The following NTRK3 variants were observed in gnomAD, a reference collection of about 807,000 sequenced individuals.
NTRK3 encodes NT-3 growth factor receptor.
NTRK3 carries 24 observed loss-of-function variants against 91.7 expected under a neutral mutation model. The observed-to-expected ratio is 0.26, with a 90% CI of 0.19 to 0.37. The LOEUF (loss-of-function observed/expected upper bound fraction) is 0.37, where lower values mean the gene tolerates loss of function less well. NTRK3 is among the 10% of genes least tolerant of loss of function. NTRK3 has a pLI of 1.00. For synonymous variants in NTRK3, 483 were observed against 404.0 expected, an observed-to-expected ratio of 1.20 and a Z score of -2.34; for missense variants, 880 against 1,068.9, an observed-to-expected ratio of 0.82 and a Z score of 2.46.
At chr15:88,086,336 G>C (rs955731549) in intron 13 of NTRK3, among the ~76,000 whole-genome samples, 1 of 152,136 alleles carries the variant, frequency 6.6e-6, no homozygotes, top group African/African-American at 2.4e-5. Flanking sequence ...AAAGTGGCTG[G>C]TCTAAGCTGA....
intron 14 of NTRK3, among the ~76,000 whole-genome samples, chr15:87,985,594 T>C (rs1384358212): frequency 6.6e-6 from 1 of 152,132 alleles, no homozygotes; most frequent in Non-Finnish European, 1.5e-5. Flanking sequence ...GTGACGAGAT[T>C]GTCCTGGCCC....
At chr15:87,969,580 A>G (rs1378033342) in intron 14 of NTRK3, among the ~76,000 whole-genome samples, 1 of 152,196 alleles carries the variant, frequency 6.6e-6, no homozygotes. Flanking sequence ...GCCTGCTTAC[A>G]TCTTCTGTGC....
At position 88,211,958 on chromosome 15, in the gene NTRK3, C is replaced by G. The variant is rs184467344; in HGVS notation, c.249-27659G>C. On this transcript the variant is annotated intron_variant, in intron 3 of 18. Coordinates refer to ENST00000394480, the Ensembl canonical transcript of NTRK3. ...CACATTTAAACTGTAATTCAATAAA[C>G]CCAATTTTGTAGAATAAAGCAAATA... 6.0e-4 allele frequency among the ~76,000 whole-genome samples: 92 copies of G among 152,132 alleles called. No homozygotes were observed. The Middle Eastern group carries it at 0.024, about 39-fold the overall frequency.
intron 16 of NTRK3, among the ~76,000 whole-genome samples, chr15:87,932,183 T>C (rs548134270): frequency 9.1e-4 from 139 of 152,334 alleles, no homozygotes; most frequent in African/African-American, 2.0e-3. Context: ...TCTTACCAGT[T>C]ACATTAAGAG....
At chr15:87,877,717 A>G (rs1476719532) in intron 18 of NTRK3, among the ~76,000 whole-genome samples, 4 of 151,958 alleles carry the variant, frequency 2.6e-5, no homozygotes, top group Non-Finnish European at 5.9e-5. Context: ...CCATGCTTCC[A>G]GTTTCTCTTA....
rs147886714 is a variant in NTRK3, at chr15:87,908,215, A to G, written c.2133+20976T>C. Among the ~76,000 whole-genome samples the G allele has an allele frequency of 3.3e-3, 505 of 152,282 alleles. 2 individuals carry two copies. Among genetic ancestry groups the G allele is most frequent in the African/African-American group, 0.011 (466 of 41,560 alleles). The stretch of plus-strand genomic sequence containing the variant: ...AAGCCCTGGCAGCCATGTGAACTCC[A>G]GCGGCTCTCCCGGCTGTGCACCTAA... On this transcript the variant is annotated intron_variant, in intron 17 of 18. Coordinates refer to ENST00000394480, the Ensembl canonical transcript of NTRK3.
chr15:88,251,682 CCTT>C (rs1311016854), intron 3 of NTRK3, among the ~76,000 whole-genome samples: 29 of 152,370 alleles, frequency 1.9e-4, no homozygotes, highest in Admixed American at 1.7e-3. Context: ...GGGCCCTGGT[CCTT>C]CTACAGAGTT....
At chr15:88,018,029 G>T (rs1212083547) in intron 14 of NTRK3, among the ~76,000 whole-genome samples, 1 of 152,174 alleles carries the variant, frequency 6.6e-6, no homozygotes, top group Non-Finnish European at 1.5e-5. Flanking sequence ...CACAATCTGG[G>T]TGACAAATCA....
intron 17 of NTRK3, among the ~76,000 whole-genome samples, chr15:87,904,892 T>C (rs899444221): frequency 2.0e-5 from 3 of 152,242 alleles, no homozygotes; most frequent in African/African-American, 7.2e-5. Context: ...TGCTTGCTTA[T>C]TTGTTTCTAC....
At chr15:87,937,507 T>C (rs1242801269) in intron 15 of NTRK3, among the ~76,000 whole-genome samples, 2 of 152,094 alleles carry the variant, frequency 1.3e-5, no homozygotes, top group East Asian at 3.9e-4. Flanking sequence ...TTTAAAGTAA[T>C]TGAAACTAGA....
intron 5 of NTRK3, among the ~76,000 whole-genome samples, chr15:88,166,401 G>T (rs1168124496): frequency 6.6e-6 from 1 of 152,180 alleles, no homozygotes; most frequent in Non-Finnish European, 1.5e-5. Flanking sequence ...CAAGGCAGTG[G>T]CATTCGCTTA....
chr15:88,203,758 T>C (rs1450901956), intron 3 of NTRK3, among the ~76,000 whole-genome samples: 1 of 152,194 alleles, frequency 6.6e-6, no homozygotes, highest in African/African-American at 2.4e-5. Flanking sequence ...ATAACCCTGA[T>C]TTGATCTTTA....
intron 17 of NTRK3, among the ~76,000 whole-genome samples, chr15:87,883,199 A>G (rs1339675948): frequency 6.6e-6 from 1 of 150,544 alleles, no homozygotes; most frequent in Non-Finnish European, 1.5e-5. Context: ...TGTTTCATAT[A>G]TATGTGAAAA....
chr15:87,862,298 G>A (rs1357224634), exon 19 of NTRK3: 1 of 224,166 alleles, frequency 4.5e-6, no homozygotes, highest in Non-Finnish European at 8.9e-6. Context: ...TTGCTCCTCT[G>A]AGATCTGGCT....
At chr15:88,005,632 A>G (rs1449037411) in intron 14 of NTRK3, among the ~76,000 whole-genome samples, 1 of 152,122 alleles carries the variant, frequency 6.6e-6, no homozygotes, top group Non-Finnish European at 1.5e-5. Context: ...AGAGATTTCA[A>G]CAAATCCTGG....
chr15:87,874,463 C>T (rs748022179), exon 19 of NTRK3: 58 of 231,866 alleles, frequency 2.5e-4, no homozygotes, highest in Admixed American at 5.1e-4. Context: ...CATGATGAAT[C>T]AGTGCCCTGA....
intron 17 of NTRK3, among the ~76,000 whole-genome samples, chr15:87,904,244 G>A (rs1171808790): frequency 6.6e-6 from 1 of 151,848 alleles, no homozygotes; most frequent in Non-Finnish European, 1.5e-5. Flanking sequence ...TCAGTTTCCG[G>A]GGTTCAAGTG....
At chr15:88,025,792 G>T (rs986690007) in intron 14 of NTRK3, among the ~76,000 whole-genome samples, 10 of 152,130 alleles carry the variant, frequency 6.6e-5, no homozygotes, top group African/African-American at 1.7e-4. Context: ...CTAACACAAT[G>T]CTTTTCACTA....
chr15:88,043,975 T>C (rs1264826085), intron 13 of NTRK3, among the ~76,000 whole-genome samples: 1 of 152,158 alleles, frequency 6.6e-6, no homozygotes, highest in African/African-American at 2.4e-5. Context: ...CATGGAGTCA[T>C]ACCATGGCAT....
Sources: gnomAD v4.1 joint callset for allele counts (sites outside exome capture counted in the v4.1 genomes callset) on GRCh38, gnomAD v4.1.1 for gene constraint, MANE v1.5 for transcripts, NCBI Gene and HGNC (gene_info 2026-07-23, HGNC 2026-07-21) for gene names.